Variants in INCENP observed in about 807,000 individuals in gnomAD.
The protein encoded by INCENP is binds and activates aurora-B and -C in vivo and in vitro.
A neutral mutation model predicts 107.3 loss-of-function variants in INCENP; 43 were observed. The observed-to-expected ratio is 0.40, with a 90% CI of 0.31 to 0.52. INCENP has a LOEUF of 0.52. Among genes scored for constraint, INCENP ranks in the 20% least tolerant of loss-of-function variants. INCENP has a pLI of 0.53. For missense variants in INCENP, 1,089 were observed against 1,250.9 expected (o/e 0.87, Z 1.95); for synonymous variants, 488 against 494.4 (o/e 0.99, Z 0.17).
intron 4 of INCENP, among the ~76,000 whole-genome samples, chr11:62,135,019 C>A (rs1943962248): frequency 6.6e-6 from 1 of 152,016 alleles, no homozygotes; most frequent in African/African-American, 2.4e-5. Context: ...CCACTTCACT[C>A]CAGCCTGGGT....
chr11:62,148,427 G>C lies in INCENP; in HGVS notation c.2205-49G>C, dbSNP rs1254827191. ...CCCAGCAGGGATGGGAACAGGGCTT[G>C]GGCTGGGCCTCCACTTCCTGTCCTA... On this transcript the variant is annotated intron_variant, in intron 15 of 18. Transcript: ENST00000394818. 2.0e-6 allele frequency: 3 copies of C among 1,536,666 alleles called. No individual in the cohort carries two copies. The African/African-American group carries it at 4.1e-5, about 21-fold the overall frequency.
intron 11 of INCENP, among the ~76,000 whole-genome samples, chr11:62,142,333 G>T (rs1038023803): frequency 2.0e-5 from 3 of 152,254 alleles, no homozygotes; most frequent in Admixed American, 1.3e-4. Flanking sequence ...TGGCTTCTCC[G>T]CATGGAGGCC....
In INCENP at chr11:62,147,258, T is replaced by C. The variant is rs372160600; in HGVS notation, c.2204+356T>C. 3.5e-4 allele frequency among the ~76,000 whole-genome samples: 53 copies of C among 152,262 alleles called. No homozygotes were observed. In the East Asian group the frequency reaches 0.01, roughly 29 times the overall value. On this transcript the variant is annotated intron_variant, in intron 15 of 18. Coordinates refer to ENST00000394818, the MANE Select transcript of INCENP (RefSeq NM_001040694.2). ...ATCTTTGTGTTACATTGCAGGATGTTTGGCATCCTTGGCCCCTGTCCCCAC... is the reference window on the plus strand; with the variant it reads ...ATCTTTGTGTTACATTGCAGGATGTCTGGCATCCTTGGCCCCTGTCCCCAC...
chr11:62,144,057 T>C (rs3915609), intron 11 of INCENP, among the ~76,000 whole-genome samples: 130,062 of 152,210 alleles, frequency 0.85, 56,322 homozygotes, highest in Admixed American at 0.91. Context: ...GCCAGCTGGG[T>C]GTGGTAGCTC....
chr11:62,148,349 C>T (rs369465506), intron 15 of INCENP, 127 bp from the exon 16 acceptor site: 29 of 822,916 alleles, frequency 3.5e-5, no homozygotes, highest in African/African-American at 1.4e-4. Context: ...AGCTGGTTGC[C>T]CATTCAGCAA....
At chr11:62,142,948 A>G (rs1792927) in intron 11 of INCENP, among the ~76,000 whole-genome samples, 3,277 of 152,282 alleles carry the variant, frequency 0.022, 124 homozygotes, top group African/African-American at 0.075. Flanking sequence ...TCCTCCAGCC[A>G]GGAAGCTGGG....
In INCENP at chr11:62,152,089, C is replaced by T. The variant is rs552620050; in HGVS notation, c.*113C>T. 2 of 619,908 alleles carry T rather than the reference C, an allele frequency of 3.2e-6. No homozygotes were observed. The highest frequency in any genetic ancestry group is 4.1e-5 in the African/African-American group (2 of 48,976). The allele number at this position is 619,908 out of a possible 1,614,324, so 38.4% of individuals were successfully genotyped here. ...CTTCTTGGCATGCCATTGTGGAGGG[C>T]TTGGCCAGGTGTATATAAACGTCCT... is the stretch of plus-strand genomic sequence containing the variant. On this transcript the variant is annotated 3_prime_UTR_variant, in exon 19 of 19. Coordinates refer to ENST00000394818, the MANE Select transcript of INCENP (RefSeq NM_001040694.2).
chr11:62,140,127 G>C (rs1944080654), intron 7 of INCENP, 107 bp from the exon 8 acceptor site: 3 of 912,570 alleles, frequency 3.3e-6, no homozygotes, highest in Non-Finnish European at 5.4e-6. Context: ...AGGGAGCCTT[G>C]CCCACTGCCA....
In INCENP at chr11:62,146,788, G is replaced by GCGCGAGCAGGAGCA. The variant is rs764659674; in HGVS notation, c.2090_2091insCGCGAGCAGGAGCA (p.Arg698AlafsTer98). ...GAGCAGGAGCGGCGGGAGCAGGAGC[G>GCGCGAGCAGGAGCA]GCGCGAGCAGGAGCGGCGCGAGCAG... is the stretch of plus-strand genomic sequence containing the variant. On this transcript the variant is annotated frameshift_variant, in exon 15 of 19. Transcript: ENST00000394818. LOFTEE classifies it high-confidence loss of function. The GCGCGAGCAGGAGCA allele has an allele frequency of 1.1e-5, 17 of 1,534,454 alleles. No individual in the cohort carries two copies. The East Asian group carries it at 3.7e-4, about 33-fold the overall frequency.
chr11:62,137,334 T>G (rs1944014108), intron 4 of INCENP, among the ~76,000 whole-genome samples: 1 of 152,232 alleles, frequency 6.6e-6, no homozygotes, highest in South Asian at 2.1e-4. Flanking sequence ...TCTGCTCTGT[T>G]CCACCATTGC....
chr11:62,135,594 G>A (rs774843859), intron 4 of INCENP, among the ~76,000 whole-genome samples: 3 of 152,022 alleles, frequency 2.0e-5, no homozygotes, highest in Admixed American at 6.6e-5. Context: ...AGATGTGTCT[G>A]ATTTCATAAC....
rs1786018854 is a variant in INCENP at position 62,128,844 on chromosome 11, C to G, written c.215C>G (p.Ser72Cys). 2 of 1,614,070 alleles carry G rather than the reference C, an allele frequency of 1.2e-6. No individual in the cohort carries two copies. The highest frequency in any genetic ancestry group is 1.7e-6 in the Non-Finnish European group (2 of 1,179,932). ...QKNRRKKRRI[S>C]YVQDENRDPI... The stretch of plus-strand genomic sequence containing the variant: ...AACCGACGGAAGAAGAGACGGATTT[C>G]TTATGTTCAGGATGAAAACAGAGAT... Residue 72 changes from serine to cysteine, a missense_variant, in exon 3 of 19, where the codon TCT becomes TGT. Coordinates refer to ENST00000394818, the MANE Select transcript of INCENP (RefSeq NM_001040694.2).
At chr11:62,133,433 C>T (rs188328444) in intron 4 of INCENP, among the ~76,000 whole-genome samples, 44 of 152,132 alleles carry the variant, frequency 2.9e-4, no homozygotes, top group Admixed American at 2.6e-4. Context: ...CTGGTGCGCA[C>T]GTGCCTGCGG....
rs1944202714 is a variant in INCENP at position 62,144,845 on chromosome 11, G to A, written c.1606-137G>A. ...TGGGTGCTGTTGGGGCCACGTTGGG[G>A]ATACCTCTGCCTAAGAAGCATTCTG... On this transcript the variant is annotated intron_variant, in intron 11 of 18. Coordinates refer to ENST00000394818, the MANE Select transcript of INCENP (RefSeq NM_001040694.2). 7.2e-6 allele frequency: 6 copies of A among 831,908 alleles called. No homozygotes were observed. The Admixed American group carries it at 8.5e-5, about 12-fold the overall frequency. The allele number at this position is 831,908 out of a possible 1,614,324, so 51.5% of individuals were successfully genotyped here. A position where few individuals can be genotyped will look rare whatever the true frequency, so the allele number is the denominator to read the frequency against.
At chr11:62,149,993 A>T in intron 17 of INCENP, 64 bp from the exon 18 acceptor site, 2 of 1,537,720 alleles carry the variant, frequency 1.3e-6, no homozygotes, top group Non-Finnish European at 1.8e-6. Context: ...GTGCCCCAGC[A>T]CTCCTCGGTG....
intron 1 of INCENP, among the ~76,000 whole-genome samples, chr11:62,127,853 A>C (rs528087299): frequency 5.3e-5 from 8 of 151,574 alleles, no homozygotes; most frequent in Admixed American, 1.3e-4. Flanking sequence ...AGGACTGTCA[A>C]TGTCAGAATT....
Position 62,146,584 on chromosome 11 carries a change from G to A in INCENP, c.1960-74G>A, listed in dbSNP as rs11230931. 0.56 allele frequency: 862,151 copies of A among 1,529,458 alleles called. 259,911 individuals are homozygous for A. The highest frequency in any genetic ancestry group is 0.63 in the Non-Finnish European group (715,545 of 1,137,308). The allele number at this position is 1,529,458 out of a possible 1,614,324, so 94.7% of individuals were successfully genotyped here. A position where few individuals can be genotyped will look rare whatever the true frequency, so the allele number is the denominator to read the frequency against. On this transcript the variant is annotated intron_variant, in intron 14 of 18. Coordinates refer to ENST00000394818, the MANE Select transcript of INCENP (RefSeq NM_001040694.2). ...CTGATATGAGGGGCACCTGGGCTTC[G>A]GGGGAGTAGGGCTGCTGTCCTGCCT... is the stretch of plus-strand genomic sequence containing the variant.
rs780645786 is a variant in INCENP, at chr11:62,152,017, A to C, written c.*41A>C. ...TTCTTGGCAGCCTCGCCTCCTGTCC[A>C]TGTCTATCTGTCTGTCTGTCGGTCT... On this transcript the variant is annotated 3_prime_UTR_variant, in exon 19 of 19. Transcript: ENST00000394818. 1.4e-6 allele frequency: 2 copies of C among 1,446,852 alleles called. No homozygotes were observed. The highest frequency in any genetic ancestry group is 2.3e-5 in the South Asian group (2 of 86,598). 89.6% of individuals were successfully genotyped at this position (1,446,852 alleles called of 1,614,324 possible).
intron 15 of INCENP, among the ~76,000 whole-genome samples, chr11:62,148,168 G>A (rs1245687227): frequency 1.3e-5 from 2 of 152,154 alleles, no homozygotes; most frequent in Admixed American, 6.5e-5. Flanking sequence ...TTCTCATGTT[G>A]ACCCTGGAGG....
Sources: allele counts gnomAD v4.1 joint callset (sites outside exome capture counted in the v4.1 genomes callset), GRCh38; gene constraint gnomAD v4.1.1; transcripts MANE v1.5; gene names NCBI Gene and HGNC (gene_info 2026-07-23, HGNC 2026-07-21).